Variants in RUNX1T1 observed in about 807,000 individuals in gnomAD.
RUNX1T1 encodes protein CBFA2T1.
A neutral mutation model predicts 62.8 loss-of-function variants in RUNX1T1; 4 were observed. The ratio of observed to expected loss-of-function variants is 0.06; its 90% CI spans 0.03 to 0.15. The LOEUF (loss-of-function observed/expected upper bound fraction) is 0.15, where lower values mean the gene tolerates loss of function less well. Among genes scored for constraint, RUNX1T1 ranks in the 10% least tolerant of loss-of-function variants. RUNX1T1 has a pLI of 1.00. For synonymous variants in RUNX1T1, 291 were observed against 286.0 expected, an observed-to-expected ratio of 1.02 and a Z score of -0.18; for missense variants, 508 against 754.3, an observed-to-expected ratio of 0.67 and a Z score of 3.82.
At chr8:91,968,233 A>G (rs182725727) in intron 10 of RUNX1T1, among the ~76,000 whole-genome samples, 138 of 152,246 alleles carry the variant, frequency 9.1e-4, no homozygotes, top group Non-Finnish European at 1.8e-3. Flanking sequence ...GGCCTTTAAG[A>G]GGTGGGACCA....
rs553140816 is a variant in RUNX1T1 at position 92,091,702 on chromosome 8, C to A, written c.-86+7878G>T. 1.4e-4 allele frequency among the ~76,000 whole-genome samples: 21 copies of A among 152,306 alleles called. No individual in the cohort carries two copies. The South Asian group carries it at 4.1e-3, about 30-fold the overall frequency. The stretch of plus-strand genomic sequence containing the variant: ...TATTGGAGGAAATAGCCGCATGATG[C>A]CCAGCTCTCTTTAAGATATGCCAGC... On this transcript the variant is annotated intron_variant, in intron 1 of 11. Coordinates refer to the RUNX1T1 transcript ENST00000265814.
chr8:92,016,892 A>T (rs143115782), intron 2 of RUNX1T1, among the ~76,000 whole-genome samples: 2 of 152,350 alleles, frequency 1.3e-5, no homozygotes, highest in East Asian at 3.9e-4. Context: ...ACAAACTAAA[A>T]TAAAGAGCTC....
At chr8:91,988,258 A>T (rs1254373092) in intron 6 of RUNX1T1, among the ~76,000 whole-genome samples, 1 of 152,144 alleles carries the variant, frequency 6.6e-6, no homozygotes, top group Non-Finnish European at 1.5e-5. Context: ...TCTCAGACTA[A>T]ATAAAAAGCT....
intron 5 of RUNX1T1, 83 bp downstream of exon 6, chr8:92,005,032 GT>G: frequency 8.2e-7 from 1 of 1,219,170 alleles, no homozygotes. Context: ...TAGGCCAGCG[GT>G]TTAATTGTGA....
intron 1 of RUNX1T1, among the ~76,000 whole-genome samples, chr8:92,076,841 TCCTCA>T (rs765914997): frequency 1.3e-5 from 2 of 152,126 alleles, no homozygotes; most frequent in Non-Finnish European, 2.9e-5. Context: ...TATTGTCTAT[TCCTCA>T]CCTACTATGA....
At chr8:92,098,356 GA>G in intron 1 of RUNX1T1, among the ~76,000 whole-genome samples, 1 of 152,170 alleles carries the variant, frequency 6.6e-6, no homozygotes, top group East Asian at 1.9e-4. Context: ...TGAAATGCAG[GA>G]AAAAGAAAAA....
At chr8:92,047,441 C>G (rs1227761487) in intron 1 of RUNX1T1, among the ~76,000 whole-genome samples, 2 of 152,090 alleles carry the variant, frequency 1.3e-5, no homozygotes, top group Non-Finnish European at 2.9e-5. Context: ...TCCAACAAAC[C>G]ACAGAACTCA....
intron 2 of RUNX1T1, 64 bp downstream of exon 2, chr8:92,075,901 A>G: frequency 2.8e-6 from 4 of 1,413,526 alleles, no homozygotes; most frequent in Non-Finnish European, 2.9e-6. Flanking sequence ...TTATTGGAAA[A>G]AATAGATTGA....
At chr8:91,967,740 A>G (rs1195267478) in intron 10 of RUNX1T1, among the ~76,000 whole-genome samples, 4 of 152,206 alleles carry the variant, frequency 2.6e-5, no homozygotes, top group African/African-American at 9.6e-5. Context: ...AATCCCTATG[A>G]AGGAAAGAGA....
upstream of RUNX1T1, among the ~76,000 whole-genome samples, chr8:92,100,156 G>A (rs1041296725): frequency 6.6e-6 from 1 of 152,028 alleles, no homozygotes; most frequent in African/African-American, 2.4e-5. Flanking sequence ...TTATTAGAAA[G>A]GACCTTTTAA....
chr8:92,102,787 GTAAT>G, upstream of RUNX1T1: 2 of 1,418,312 alleles, frequency 1.4e-6, no homozygotes, highest in African/African-American at 1.5e-5. The surrounding 1 kb of genome is among the most constrained non-coding windows in gnomAD (Gnocchi z 4.5). Context: ...CATCGGAACA[GTAAT>G]TAATAACAGT....
At chr8:92,082,642 G>A (rs1835452805) in intron 1 of RUNX1T1, among the ~76,000 whole-genome samples, 1 of 152,168 alleles carries the variant, frequency 6.6e-6, no homozygotes, top group Non-Finnish European at 1.5e-5. Context: ...AGAAAAAACA[G>A]TGAGACTCTT....
chr8:92,041,243 T>C (rs1003093329), intron 1 of RUNX1T1, among the ~76,000 whole-genome samples: 3 of 151,120 alleles, frequency 2.0e-5, no homozygotes, highest in African/African-American at 4.9e-5. Context: ...GCATGCATGA[T>C]TTCACGGCCC....
intron 1 of RUNX1T1, among the ~76,000 whole-genome samples, chr8:92,035,529 T>C (rs1306969711): frequency 6.6e-6 from 1 of 152,168 alleles, no homozygotes; most frequent in African/African-American, 2.4e-5. Flanking sequence ...TTCTCTTGGC[T>C]TAATATGGTC....
chr8:91,956,905 A>C, downstream of RUNX1T1: 1 of 192,716 alleles, frequency 5.2e-6, no homozygotes, highest in Non-Finnish European at 1.1e-5. Context: ...TTCCAGACGT[A>C]GGCATGCTTT....
intron 1 of RUNX1T1, among the ~76,000 whole-genome samples, chr8:92,035,095 G>C (rs1827158991): frequency 6.6e-6 from 1 of 151,964 alleles, no homozygotes; most frequent in African/African-American, 2.4e-5. Context: ...AGGAGTTCGA[G>C]ACCAGCCTGG....
At chr8:92,072,705 A>C (rs1833863150) in intron 2 of RUNX1T1, among the ~76,000 whole-genome samples, 1 of 152,232 alleles carries the variant, frequency 6.6e-6, no homozygotes. Flanking sequence ...GCAGTGCTAC[A>C]ATAAGCTCAA....
intron 8 of RUNX1T1, among the ~76,000 whole-genome samples, chr8:91,980,913 C>T (rs1311213073): frequency 6.6e-6 from 1 of 152,024 alleles, no homozygotes; most frequent in African/African-American, 2.4e-5. Context: ...CTCAAGGGAT[C>T]CTCTCACCTC....
intron 1 of RUNX1T1, among the ~76,000 whole-genome samples, chr8:92,091,180 C>G (rs772452655): frequency 4.6e-5 from 7 of 152,178 alleles, no homozygotes; most frequent in Non-Finnish European, 8.8e-5. Context: ...TCTACAAGAT[C>G]TATATTCTAA....
Sources: allele counts gnomAD v4.1 joint callset (sites outside exome capture counted in the v4.1 genomes callset), GRCh38; gene constraint gnomAD v4.1.1; non-coding constraint Gnocchi (gnomAD v3.1); transcripts MANE v1.5; gene names NCBI Gene and HGNC (gene_info 2026-07-23, HGNC 2026-07-21).